The following CASP9 variants were observed in gnomAD, a reference collection of about 807,000 sequenced individuals.
The protein encoded by CASP9 is caspase-9.
A neutral mutation model predicts 43.5 loss-of-function variants in CASP9; 29 were observed. The ratio of observed to expected loss-of-function variants is 0.67; its 90% CI spans 0.50 to 0.91. The LOEUF is 0.91. Among genes scored for constraint, CASP9 ranks in the 40% least tolerant of loss-of-function variants. The pLI is 0.00. For missense variants in CASP9, 575 were observed against 537.4 expected, an observed-to-expected ratio of 1.07 and a Z score of -0.69; for synonymous variants, 206 against 211.9, an observed-to-expected ratio of 0.97 and a Z score of 0.24.
intron 1 of CASP9, among the ~76,000 whole-genome samples, chr1:15,521,009 T>A (rs975087083): frequency 1.8e-4 from 28 of 151,908 alleles, no homozygotes; most frequent in African/African-American, 6.0e-4. Flanking sequence ...TACAAAAAAT[T>A]AGCCGGGCGT....
chr1:15,501,856 C>T (rs1014351288), intron 6 of CASP9, among the ~76,000 whole-genome samples: 3 of 152,084 alleles, frequency 2.0e-5, no homozygotes, highest in African/African-American at 4.8e-5. Flanking sequence ...ACTGTAGCCT[C>T]GACCTCCAGG....
intron 6 of CASP9, among the ~76,000 whole-genome samples, chr1:15,504,178 A>G (rs1460261566): frequency 6.6e-6 from 1 of 152,076 alleles, no homozygotes; most frequent in South Asian, 2.1e-4. Flanking sequence ...CCACAACTAC[A>G]CTTTTGAAAA....
At chr1:15,515,248 G>A (rs945092419) in intron 2 of CASP9, among the ~76,000 whole-genome samples, 2 of 152,190 alleles carry the variant, frequency 1.3e-5, no homozygotes, top group Admixed American at 1.3e-4. Flanking sequence ...TTACAGGATG[G>A]TAATGCACAT....
intron 1 of CASP9, among the ~76,000 whole-genome samples, chr1:15,522,537 T>C (rs914809098): frequency 4.6e-5 from 7 of 152,068 alleles, no homozygotes; most frequent in African/African-American, 1.7e-4. Flanking sequence ...GCAAGACTCC[T>C]ATCTGTACAA....
rs1020768675 is a variant in CASP9 at position 15,524,077 on chromosome 1, C to G, written c.124G>C (p.Asp42His). Reference protein sequence around the residue: ...RELFRPHMIEDIQRAGSGSRR... With the variant: ...RELFRPHMIEHIQRAGSGSRR... ...GGGGGCCGGGGGCGCACCTGGATGT[C>G]CTCGATCATATGGGGCCTGAACAGC... Residue 42 changes from aspartate (D) to histidine (H), a missense_variant, in exon 1 of 9, where the codon GAC becomes CAC. By Grantham distance (81) the Asp-to-His change is moderately conservative (BLOSUM62 -1). Coordinates refer to ENST00000333868, the MANE Select transcript of CASP9 (RefSeq NM_001229.5). 9.3e-6 allele frequency: 14 copies of G among 1,503,988 alleles called. No homozygotes were observed. The East Asian group carries it at 3.6e-4, about 38-fold the overall frequency. 93.2% of individuals were successfully genotyped at this position (1,503,988 alleles called of 1,614,324 possible). A position where few individuals can be genotyped will look rare whatever the true frequency, so the allele number is the denominator to read the frequency against.
chr1:15,504,550 A>C, intron 6 of CASP9, 61 bp downstream of exon 6: 2 of 1,529,794 alleles, frequency 1.3e-6, no homozygotes, highest in Non-Finnish European at 1.8e-6. Context: ...CTGGAGAAAG[A>C]AGCAGGTGGC....
intron 5 of CASP9, among the ~76,000 whole-genome samples, chr1:15,505,789 C>T (rs369121694): frequency 2.6e-5 from 4 of 152,310 alleles, no homozygotes; most frequent in Admixed American, 6.5e-5. Context: ...CCAGGAACAC[C>T]GACCTGCCCA....
intron 6 of CASP9, 32 bp downstream of exon 6, chr1:15,504,578 AC>A (rs1323015042): frequency 6.3e-7 from 1 of 1,592,560 alleles, no homozygotes; most frequent in Non-Finnish European, 8.5e-7. Context: ...TCCCCACCAG[AC>A]CCACCCAGAG....
At chr1:15,522,206 T>C (rs148881168) in intron 1 of CASP9, among the ~76,000 whole-genome samples, 15 of 152,242 alleles carry the variant, frequency 9.9e-5, no homozygotes, top group South Asian at 2.1e-4. Flanking sequence ...TTTGGCTCAT[T>C]GGTTGTGGTT....
At chr1:15,512,929 G>A (rs544628603) in intron 2 of CASP9, among the ~76,000 whole-genome samples, 66 of 152,198 alleles carry the variant, frequency 4.3e-4, no homozygotes, top group African/African-American at 1.4e-3. Context: ...AGGCTGAGGC[G>A]GACAGATCAC....
At chr1:15,524,712 TC>T (rs1430160676), upstream of CASP9, 40 of 1,008,162 alleles carry the variant, frequency 4.0e-5, no homozygotes, top group Non-Finnish European at 4.6e-5. Context: ...CCTCGCCCTG[TC>T]CCCAGGGTCA....
intron 4 of CASP9, among the ~76,000 whole-genome samples, 199 bp from the exon 5 acceptor site, chr1:15,506,278 G>T (rs968508633): frequency 7.0e-6 from 1 of 141,930 alleles, no homozygotes; most frequent in Non-Finnish European, 1.5e-5. Context: ...GTGAAACCCC[G>T]TCTCTACTAA....
chr1:15,508,228 T>G (rs1329190708), intron 2 of CASP9, among the ~76,000 whole-genome samples: 2 of 152,116 alleles, frequency 1.3e-5, no homozygotes, highest in Non-Finnish European at 2.9e-5. Context: ...TAACAACAGT[T>G]TGGTAGATAT....
chr1:15,498,236 A>T (rs1709188474), intron 6 of CASP9, among the ~76,000 whole-genome samples: 1 of 152,032 alleles, frequency 6.6e-6, no homozygotes, highest in Non-Finnish European at 1.5e-5. Context: ...GTGCCACCAC[A>T]CCCAGTTAAT....
chr1:15,520,860 G>A, intron 1 of CASP9, among the ~76,000 whole-genome samples: 1 of 151,946 alleles, frequency 6.6e-6, no homozygotes, highest in Non-Finnish European at 1.5e-5. Context: ...GGCTGAGGCA[G>A]AACAGCTTGA....
chr1:15,520,968 T>C (rs1272356131), intron 1 of CASP9, among the ~76,000 whole-genome samples: 1 of 151,414 alleles, frequency 6.6e-6, no homozygotes, highest in African/African-American at 2.4e-5. Context: ...CCATCCTGGC[T>C]AACACGGTGA....
At chr1:15,522,673 T>C (rs1710251041) in intron 1 of CASP9, among the ~76,000 whole-genome samples, 2 of 152,198 alleles carry the variant, frequency 1.3e-5, no homozygotes, top group Admixed American at 1.3e-4. Context: ...CATGATCTCA[T>C]CCCTGCACTC....
chr1:15,494,582 G>C (rs1011718935), intron 7 of CASP9, among the ~76,000 whole-genome samples: 1 of 135,074 alleles, frequency 7.4e-6, no homozygotes, highest in African/African-American at 2.8e-5. Flanking sequence ...AAAAAAAAAA[G>C]GCTGGGCGCG....
chr1:15,519,512 G>A (rs1296838646), intron 1 of CASP9, among the ~76,000 whole-genome samples: 1 of 152,192 alleles, frequency 6.6e-6, no homozygotes, highest in East Asian at 1.9e-4. Context: ...GAGTGACAGA[G>A]ACAGATATGG....
Sources: gnomAD v4.1 joint callset for allele counts (sites outside exome capture counted in the v4.1 genomes callset) on GRCh38, gnomAD v4.1.1 for gene constraint, MANE v1.5 for transcripts, NCBI Gene and HGNC (gene_info 2026-07-23, HGNC 2026-07-21) for gene names.